RPGRIP1L: variants seen among roughly 807,000 people sequenced by gnomAD.
RPGRIP1L encodes the protein RPGRIP1 like.
In RPGRIP1L, 131 loss-of-function variants were observed where a neutral mutation model predicts 160.4. That is an observed-to-expected ratio of 0.82 (90% confidence interval 0.71 to 0.94). RPGRIP1L has a LOEUF of 0.94. Ranked by LOEUF, RPGRIP1L falls within the 40% of genes least tolerant of loss-of-function variation. The probability of loss-of-function intolerance (pLI) is 0.00; values close to 1 mark genes in which losing one functional copy is unlikely to be tolerated. For missense variants in RPGRIP1L, 1,522 were observed against 1,535.8 expected, an observed-to-expected ratio of 0.99 and a Z score of 0.15; for synonymous variants, 510 against 515.8, an observed-to-expected ratio of 0.99 and a Z score of 0.15.
At chr16:53,686,926 T>TTA (rs975806135) in intron 5 of RPGRIP1L, among the ~76,000 whole-genome samples, 6 of 152,274 alleles carry the variant, frequency 3.9e-5, no homozygotes, top group African/African-American at 1.4e-4. Context: ...GCACATCTGC[T>TTA]TATAACACCC....
chr16:53,675,763 C>T (rs909136948), intron 6 of RPGRIP1L, among the ~76,000 whole-genome samples: 1 of 152,008 alleles, frequency 6.6e-6, no homozygotes, highest in South Asian at 2.1e-4. Flanking sequence ...TATATAGAAA[C>T]CTTATATGTT....
At chr16:53,682,729 A>G (rs1969701088) in intron 6 of RPGRIP1L, among the ~76,000 whole-genome samples, 1 of 152,206 alleles carries the variant, frequency 6.6e-6, no homozygotes, top group South Asian at 2.1e-4. Context: ...TAAGATCACC[A>G]TATTCAGTGT....
chr16:53,691,920 T>C, intron 4 of RPGRIP1L, 146 bp downstream of exon 4: 1 of 758,164 alleles, frequency 1.3e-6, no homozygotes, highest in Non-Finnish European at 2.2e-6. Flanking sequence ...TCACTGACAA[T>C]ATTATTTTAT....
Position 53,664,922 on chromosome 16 carries a change from C to T in RPGRIP1L, c.1191G>A (p.Lys397=). The part of the protein sequence containing the change: ...VQIAQLETAL[K]SDLTDKTEIL... ...TTTCAGTTTTGTCTGTTAAGTCAGA[C>T]TTCAAGGCAGTCTCGAGCTGAGCAA... The change falls in exon 10 of 27, where the codon AAG becomes AAA. Residue 397 remains lysine, a synonymous_variant. Transcript: ENST00000647211. 1 of 1,613,120 alleles carries T rather than the reference C, an allele frequency of 6.2e-7. No homozygotes were observed. Among genetic ancestry groups the T allele is most frequent in the Non-Finnish European group, 8.5e-7 (1 of 1,179,924 alleles).
chr16:53,645,027 A>C (rs993564296), intron 17 of RPGRIP1L, among the ~76,000 whole-genome samples: 7 of 152,246 alleles, frequency 4.6e-5, no homozygotes, highest in Non-Finnish European at 1.0e-4. Context: ...TAACATAGGA[A>C]GACCAAATAT....
chr16:53,675,013 G>A lies in RPGRIP1L; in HGVS notation c.882+4C>T. On this transcript the variant is annotated splice_donor_region_variant and intron_variant, in intron 7 of 26. Coordinates refer to ENST00000647211, the MANE Select transcript of RPGRIP1L (RefSeq NM_015272.5). ...CATTGTAATAAAATAAATTATCACT[G>A]TACCTCTTGAAGCTGAATAAATTTT... 3.2e-6 allele frequency: 5 copies of A among 1,559,990 alleles called. No individual in the cohort carries two copies. In the South Asian group the frequency reaches 5.6e-5, roughly 17 times the overall value.
intron 2 of RPGRIP1L, among the ~76,000 whole-genome samples, chr16:53,699,304 G>C (rs1971169672): frequency 7.3e-6 from 1 of 136,360 alleles, no homozygotes; most frequent in African/African-American, 2.8e-5. Flanking sequence ...TTGTTCACTT[G>C]TTTATCTGCT....
intron 2 of RPGRIP1L, among the ~76,000 whole-genome samples, chr16:53,697,344 C>A (rs1010990947): frequency 3.3e-5 from 5 of 150,084 alleles, no homozygotes; most frequent in African/African-American, 9.7e-5. Context: ...CCTCTCCCCA[C>A]GGTCTCCCTC....
At chr16:53,618,080 G>A (rs148043855) in intron 24 of RPGRIP1L, among the ~76,000 whole-genome samples, 84 of 152,268 alleles carry the variant, frequency 5.5e-4, no homozygotes, top group African/African-American at 1.8e-3. Context: ...ACACAATAAA[G>A]TTGATTGATC....
At position 53,605,589 on chromosome 16, in the gene RPGRIP1L, G is replaced by T; in HGVS notation, c.3727C>A (p.Pro1243Thr). The change falls in exon 26 of 27, where the codon CCT becomes ACT. Residue 1243 changes from proline (P) to threonine (T), a missense_variant. Coordinates refer to ENST00000647211, the MANE Select transcript of RPGRIP1L (RefSeq NM_015272.5). ...RSLRFTVVSDPPEDEQDLECE... is the reference protein window; with the variant it reads ...RSLRFTVVSDTPEDEQDLECE... ...TCCAGGTCCTGCTCGTCCTCTGGAG[G>T]GTCACTGACCACGGTGAAGCGAAGG... The T allele has an allele frequency of 6.2e-7, 1 of 1,614,048 alleles. No individual in the cohort carries two copies. Among genetic ancestry groups the T allele is most frequent in the Non-Finnish European group, 8.5e-7 (1 of 1,179,988 alleles).
At chr16:53,606,071 A>G (rs1963664347) in intron 25 of RPGRIP1L, among the ~76,000 whole-genome samples, 1 of 152,216 alleles carries the variant, frequency 6.6e-6, no homozygotes, top group African/African-American at 2.4e-5. Flanking sequence ...ACAAAACTGT[A>G]TGTGTTCTAC....
chr16:53,689,090 TTA>T (rs200206940), intron 4 of RPGRIP1L, among the ~76,000 whole-genome samples: 4 of 148,884 alleles, frequency 2.7e-5, no homozygotes, highest in East Asian at 1.9e-4. Flanking sequence ...TATATATATG[TTA>T]TATATATATA....
intron 24 of RPGRIP1L, among the ~76,000 whole-genome samples, chr16:53,612,903 T>A (rs1426176112): frequency 6.6e-6 from 1 of 152,208 alleles, no homozygotes; most frequent in African/African-American, 2.4e-5. Flanking sequence ...AATCAATAAC[T>A]TTCCATTCTT....
At chr16:53,659,297 C>T in intron 10 of RPGRIP1L, 1 of 515,374 alleles carries the variant, frequency 1.9e-6, no homozygotes, top group South Asian at 6.9e-5. Flanking sequence ...ATTTTCCCAA[C>T]TTAGCATATA....
Position 53,686,491 on chromosome 16 carries a change from C to CT in RPGRIP1L, c.717dup (p.Glu240ArgfsTer3). 1 of 1,613,652 alleles carries CT rather than the reference C, an allele frequency of 6.2e-7. No individual in the cohort carries two copies. The highest frequency in any genetic ancestry group is 1.3e-5 in the African/African-American group (1 of 75,016). On this transcript the variant is annotated frameshift_variant, in exon 6 of 27. Coordinates refer to ENST00000647211, the MANE Select transcript of RPGRIP1L (RefSeq NM_015272.5). LOFTEE classifies it high-confidence loss of function. The stretch of plus-strand genomic sequence containing the variant: ...AGAAGAGATAACTCAATTTCATTTT[C>CT]TTTTCTCCTCAACTGAGTTTTCAGG...
At chr16:53,636,088 G>C (rs1965816431) in intron 22 of RPGRIP1L, among the ~76,000 whole-genome samples, 1 of 152,058 alleles carries the variant, frequency 6.6e-6, no homozygotes, top group East Asian at 1.9e-4. Context: ...GTTTCAAAGA[G>C]CATCTCACAT....
chr16:53,616,050 C>T (rs540101183), intron 24 of RPGRIP1L, among the ~76,000 whole-genome samples: 2 of 152,258 alleles, frequency 1.3e-5, no homozygotes, highest in Non-Finnish European at 2.9e-5. Context: ...CTCTTTTGTA[C>T]AGATTCAAGT....
chr16:53,681,447 G>A (rs947975816), intron 6 of RPGRIP1L, among the ~76,000 whole-genome samples: 6 of 151,842 alleles, frequency 4.0e-5, no homozygotes, highest in Admixed American at 2.0e-4. Flanking sequence ...AATTTAAGAC[G>A]GCCTTTTTAA....
rs1442888085 is a variant in RPGRIP1L at position 53,671,495 on chromosome 16, G to A, written c.1103+15C>T. The A allele has an allele frequency of 9.9e-6, 15 of 1,517,772 alleles. No individual in the cohort carries two copies. Among genetic ancestry groups the A allele is most frequent in the Non-Finnish European group, 1.4e-5 (15 of 1,093,844 alleles). 94.0% of individuals were successfully genotyped at this position (1,517,772 alleles called of 1,614,324 possible). On this transcript the variant is annotated intron_variant, in intron 9 of 26. Coordinates refer to ENST00000647211, the MANE Select transcript of RPGRIP1L (RefSeq NM_015272.5). ...CAAACAAGACAATGAAAGAACACAT[G>A]GAATCACGATTTACCTGTCATAAAG...
Sources: allele counts gnomAD v4.1 joint callset (sites outside exome capture counted in the v4.1 genomes callset), GRCh38; gene constraint gnomAD v4.1.1; transcripts MANE v1.5; gene names NCBI Gene and HGNC (gene_info 2026-07-23, HGNC 2026-07-21).